The following DHRS2 variants were observed in gnomAD, a reference collection of about 807,000 sequenced individuals.
The protein encoded by DHRS2 is dehydrogenase/reductase SDR family member 2, mitochondrial.
In DHRS2, 29 loss-of-function variants were observed where a neutral mutation model predicts 26.3. The observed-to-expected ratio is 1.10, with a 90% confidence interval of 0.82 to 1.50. DHRS2 has a LOEUF of 1.50. Ranked by LOEUF, DHRS2 falls within the 40% of genes most tolerant of loss-of-function variation. The pLI is 0.00. For missense variants in DHRS2, 439 were observed against 367.1 expected, an observed-to-expected ratio of 1.20 and a Z score of -1.60; for synonymous variants, 164 against 151.3, an observed-to-expected ratio of 1.08 and a Z score of -0.62.
At chr14:23,643,363 C>A in intron 5 of DHRS2, 144 bp downstream of exon 5, 2 of 736,130 alleles carry the variant, frequency 2.7e-6, no homozygotes, top group Non-Finnish European at 4.5e-6. Context: ...TCCTGCCTCC[C>A]CATCTGTGTG....
upstream of DHRS2, among the ~76,000 whole-genome samples, chr14:23,634,056 C>T (rs1039070787): frequency 2.1e-4 from 18 of 85,902 alleles, no homozygotes; most frequent in African/African-American, 8.3e-4. Context: ...TAGTTTGCCC[C>T]TTCTTTTTTT....
rs141543727 is a variant in DHRS2 at position 23,644,161 on chromosome 14, T to A, written c.539T>A (p.Val180Glu). Reference sequence around the variant, plus strand: ...TCCATTGCAGCTTATAATCCAGTAGTGGTAAGTGCTTGGTCCTTGTGCTCC... The same window carrying A: ...TCCATTGCAGCTTATAATCCAGTAGAGGTAAGTGCTTGGTCCTTGTGCTCC... Reference protein sequence around the residue: ...VSSIAAYNPVVALGVYNVSKT... With the variant: ...VSSIAAYNPVEALGVYNVSKT... Residue 180 changes from valine (V) to glutamate (E), a missense_variant and splice_region_variant, in exon 6 of 9, where the codon GTG (valine) becomes GAG (glutamate). By Grantham distance (121) the Val-to-Glu change is moderately radical. Transcript: ENST00000250383. 2.1e-5 allele frequency: 34 copies of A among 1,614,028 alleles called. No individual in the cohort carries two copies. In the African/African-American group the frequency reaches 3.2e-4, roughly 15 times the overall value.
upstream of DHRS2, among the ~76,000 whole-genome samples, chr14:23,634,109 C>T (rs575820795): frequency 1.5e-5 from 2 of 136,500 alleles, no homozygotes; most frequent in South Asian, 4.7e-4. Context: ...CCTCTGTCAC[C>T]CAGGATGGAG....
chr14:23,639,754 C>A, intron 3 of DHRS2, 40 bp from the exon 4 acceptor site: 1 of 1,562,494 alleles, frequency 6.4e-7, no homozygotes, highest in East Asian at 2.3e-5. Context: ...GATAGTCCTC[C>A]TCAGGCCATC....
chr14:23,643,074 G>T, intron 4 of DHRS2, 78 bp from the exon 5 acceptor site: 1 of 1,442,994 alleles, frequency 6.9e-7, no homozygotes, highest in South Asian at 1.2e-5. Flanking sequence ...AAATTACAGG[G>T]CTCCAAGTGT....
intron 6 of DHRS2, 45 bp from the exon 7 acceptor site, chr14:23,644,364 C>G (rs139969168): frequency 5.0e-6 from 8 of 1,609,762 alleles, no homozygotes; most frequent in Non-Finnish European, 5.9e-6. Context: ...TGATGCTTTC[C>G]CCCACTCTCC....
chr14:23,643,270 GC>G (rs1890742076), intron 5 of DHRS2, 51 bp downstream of exon 5: 1 of 1,557,370 alleles, frequency 6.4e-7, no homozygotes, highest in Non-Finnish European at 8.8e-7. Context: ...CCTGAGGTGG[GC>G]ACAGAAATAC....
chr14:23,634,893 C>T (rs763870702), upstream of DHRS2, among the ~76,000 whole-genome samples: 5 of 152,080 alleles, frequency 3.3e-5, no homozygotes, highest in Non-Finnish European at 5.9e-5. Flanking sequence ...GTAGCACCTC[C>T]CCCTTTGCTC....
chr14:23,641,845 A>T (rs1393141201), intron 4 of DHRS2: 3 of 1,250,742 alleles, frequency 2.4e-6, no homozygotes, highest in Non-Finnish European at 3.1e-6. Flanking sequence ...AAAAACAGTG[A>T]ACAGTCCTGG....
At chr14:23,641,873 C>CGCCGTA in intron 4 of DHRS2, 1 of 1,222,854 alleles carries the variant, frequency 8.2e-7, no homozygotes, top group East Asian at 5.7e-5. Flanking sequence ...CAGATGTGGT[C>CGCCGTA]TCATTCCCTA....
At chr14:23,630,205 C>G (rs1314023488) in exon 1 of DHRS2, 1 of 152,312 alleles carries the variant, frequency 6.6e-6, no homozygotes. Flanking sequence ...GGCTGCCAAA[C>G]TGCACTCCAG....
intron 3 of DHRS2, 149 bp downstream of exon 3, chr14:23,639,505 C>A: frequency 1.6e-6 from 2 of 1,244,712 alleles, no homozygotes; most frequent in Non-Finnish European, 2.1e-6. Context: ...CCCAGAAGGT[C>A]CCTCAGGAAA....
upstream of DHRS2, among the ~76,000 whole-genome samples, chr14:23,635,254 T>C (rs1413331687): frequency 6.6e-6 from 1 of 152,134 alleles, no homozygotes; most frequent in Non-Finnish European, 1.5e-5. Flanking sequence ...TGGTTTCACC[T>C]TGTTGCCCAG....
At chr14:23,639,731 C>T in intron 3 of DHRS2, 63 bp from the exon 4 acceptor site, 1 of 1,494,922 alleles carries the variant, frequency 6.7e-7, no homozygotes, top group Non-Finnish European at 9.0e-7. Flanking sequence ...ATGACCTGGG[C>T]TGCCCTGGGA....
At chr14:23,637,657 T>C (rs1296549048) in intron 1 of DHRS2, among the ~76,000 whole-genome samples, 3 of 152,056 alleles carry the variant, frequency 2.0e-5, no homozygotes, top group Admixed American at 6.5e-5. Flanking sequence ...GGCCACTAAA[T>C]CCGATTTTTC....
rs769588839 is a variant in DHRS2 at position 23,645,299 on chromosome 14, C to A, written c.*46C>A. 3.1e-6 allele frequency: 5 copies of A among 1,612,896 alleles called. No individual in the cohort carries two copies. The highest frequency in any genetic ancestry group is 4.2e-6 in the Non-Finnish European group (5 of 1,180,002). On this transcript the variant is annotated 3_prime_UTR_variant, in exon 9 of 9. Transcript: ENST00000250383. ...TAGCTGTGGTCCCAGGCCCAGGAGCCTGAGGGGGTGTCTAGGTGATCATTT... is the reference window on the plus strand; with the variant it reads ...TAGCTGTGGTCCCAGGCCCAGGAGCATGAGGGGGTGTCTAGGTGATCATTT...
rs1594251474 is a variant in DHRS2 at position 23,645,501 on chromosome 14, T to G, written c.*248T>G. ...GGTGTGGGTCTGGGGAGCTGAAGGATTTTATGGAGCTGGTGCTTTGGAGGA... is the reference window on the plus strand; with the variant it reads ...GGTGTGGGTCTGGGGAGCTGAAGGAGTTTATGGAGCTGGTGCTTTGGAGGA... On this transcript the variant is annotated 3_prime_UTR_variant, in exon 9 of 9. Transcript: ENST00000250383. 3 of 654,242 alleles carry G rather than the reference T, an allele frequency of 4.6e-6. No homozygotes were observed. Among genetic ancestry groups the G allele is most frequent in the African/African-American group, 3.6e-5 (2 of 54,916 alleles). The allele number at this position is 654,242 out of a possible 1,614,324, so 40.5% of individuals were successfully genotyped here.
intron 1 of DHRS2, 132 bp from the exon 2 acceptor site, chr14:23,638,695 A>G: frequency 1.1e-6 from 1 of 929,008 alleles, no homozygotes; most frequent in Non-Finnish European, 1.6e-6. Context: ...CATGTTTGAA[A>G]TTTACCCTAA....
At chr14:23,631,875 G>A (rs1020957932), upstream of DHRS2, among the ~76,000 whole-genome samples, 1 of 152,174 alleles carries the variant, frequency 6.6e-6, no homozygotes, top group African/African-American at 2.4e-5. Flanking sequence ...GCAAAAGAGG[G>A]GCTTTGCATG....
Sources: gnomAD v4.1 joint callset for allele counts (sites outside exome capture counted in the v4.1 genomes callset) on GRCh38, gnomAD v4.1.1 for gene constraint, MANE v1.5 for transcripts, NCBI Gene and HGNC (gene_info 2026-07-23, HGNC 2026-07-21) for gene names.